GPC5: variants seen among roughly 807,000 people sequenced by gnomAD.
The protein encoded by GPC5 is glypican 5, also known as glypican-5.
In GPC5, 47 loss-of-function variants were observed where a neutral mutation model predicts 53.9. The ratio of observed to expected loss-of-function variants is 0.87; its 90% confidence interval spans 0.69 to 1.11. GPC5 has a LOEUF of 1.11. GPC5 is among the 50% of genes most tolerant of loss of function. The pLI is 0.00. For synonymous variants in GPC5, 286 were observed against 263.3 expected, an observed-to-expected ratio of 1.09 and a Z score of -0.84; for missense variants, 748 against 713.1, an observed-to-expected ratio of 1.05 and a Z score of -0.56.
chr13:92,078,266 G>A (rs2041268541), intron 6 of GPC5, among the ~76,000 whole-genome samples: 1 of 152,298 alleles, frequency 6.6e-6, no homozygotes, highest in Admixed American at 6.5e-5. Flanking sequence ...ATTTTACAGT[G>A]AGTCTCAAAA....
At chr13:92,792,108 T>C (rs1876486729) in intron 7 of GPC5, among the ~76,000 whole-genome samples, 1 of 151,992 alleles carries the variant, frequency 6.6e-6, no homozygotes, top group Non-Finnish European at 1.5e-5. Flanking sequence ...CACATAATTG[T>C]CAGATTCACC....
chr13:92,625,103 A>G (rs1476165226), intron 7 of GPC5, among the ~76,000 whole-genome samples: 1 of 152,186 alleles, frequency 6.6e-6, no homozygotes, highest in Non-Finnish European at 1.5e-5. Flanking sequence ...ATTCTGTGTC[A>G]GTGTGATTTT....
At chr13:91,930,806 T>C (rs78967716) in intron 6 of GPC5, among the ~76,000 whole-genome samples, 1 of 152,072 alleles carries the variant, frequency 6.6e-6, no homozygotes, top group Non-Finnish European at 1.5e-5. Context: ...ACATGTCAGC[T>C]GAGTGACTGT....
At chr13:92,543,557 G>A (rs1882000387) in intron 7 of GPC5, among the ~76,000 whole-genome samples, 1 of 151,942 alleles carries the variant, frequency 6.6e-6, no homozygotes, top group Admixed American at 6.6e-5. Context: ...AGTGACAATG[G>A]CACCATTTTC....
intron 2 of GPC5, among the ~76,000 whole-genome samples, chr13:91,494,804 C>CT (rs139242582): frequency 0.017 from 2,622 of 152,248 alleles, 69 homozygotes; most frequent in African/African-American, 0.058. Context: ...GCCTTAGAAT[C>CT]TTTTTCTGAT....
At chr13:92,264,878 CTGTGTG>C (rs71815584) in intron 7 of GPC5, among the ~76,000 whole-genome samples, 2,563 of 104,650 alleles carry the variant, frequency 0.024, 35 homozygotes, top group African/African-American at 0.034. Flanking sequence ...CTCTCTCTCT[CTGTGTG>C]TGTGTGTGTG....
At chr13:91,753,344 A>T (rs2037220087) in intron 4 of GPC5, among the ~76,000 whole-genome samples, 1 of 152,176 alleles carries the variant, frequency 6.6e-6, no homozygotes, top group Non-Finnish European at 1.5e-5. Flanking sequence ...TATCTCAGGG[A>T]ATGACATGAC....
At chr13:91,488,043 A>T (rs1035580471) in intron 2 of GPC5, among the ~76,000 whole-genome samples, 1 of 151,986 alleles carries the variant, frequency 6.6e-6, no homozygotes. Flanking sequence ...TAATTCCACT[A>T]TAAGTTTTGA....
intron 2 of GPC5, among the ~76,000 whole-genome samples, chr13:91,686,152 C>A (rs2035618680): frequency 6.6e-6 from 1 of 151,984 alleles, no homozygotes; most frequent in Non-Finnish European, 1.5e-5. Context: ...TTGTTTAGAA[C>A]TGATTTTATC....
chr13:92,656,779 C>A lies in GPC5; in HGVS notation c.1562-209503C>A, dbSNP rs992362393. Among the ~76,000 whole-genome samples the A allele has an allele frequency of 2.6e-5, 4 of 152,072 alleles. No individual in the cohort carries two copies. In the East Asian group the frequency reaches 7.7e-4, roughly 29 times the overall value. On this transcript the variant is annotated intron_variant, in intron 7 of 7. Transcript: ENST00000377067. ...GACCAACCTGGGCAATATAGTGAAC[C>A]CCATTTCTACAAAAGCAAACAAAAC...
intron 7 of GPC5, among the ~76,000 whole-genome samples, chr13:92,710,356 G>C (rs78156584): frequency 4.6e-5 from 7 of 152,096 alleles, no homozygotes; most frequent in Non-Finnish European, 7.4e-5. Flanking sequence ...CCATCCTAAT[G>C]TGACAGAGAA....
rs192111344 is a variant in GPC5, at chr13:91,683,081, G to A, written c.326-10106G>A. On this transcript the variant is annotated intron_variant, in intron 2 of 7. Coordinates refer to ENST00000377067, the MANE Select transcript of GPC5 (RefSeq NM_004466.6). ...TGCATATGTGCTTGAATGGAGGATC[G>A]CGAGATGGGGTGATTATCCTGAATT... Among the ~76,000 whole-genome samples, 12 of 151,946 alleles carry A rather than the reference G, an allele frequency of 7.9e-5. No homozygotes were observed. The South Asian group carries it at 1.9e-3, about 24-fold the overall frequency.
intron 5 of GPC5, among the ~76,000 whole-genome samples, chr13:91,790,961 G>C (rs1179794541): frequency 6.6e-6 from 1 of 152,174 alleles, no homozygotes; most frequent in Non-Finnish European, 1.5e-5. Context: ...AAAAATCTCG[G>C]TGTGAATGAA....
chr13:92,444,059 T>C (rs1877692125), intron 7 of GPC5, among the ~76,000 whole-genome samples: 1 of 152,126 alleles, frequency 6.6e-6, no homozygotes, highest in Non-Finnish European at 1.5e-5. Flanking sequence ...AAGGTAATAA[T>C]GGAGTTTGGT....
At chr13:91,968,383 T>A (rs183846595) in intron 6 of GPC5, among the ~76,000 whole-genome samples, 1 of 152,310 alleles carries the variant, frequency 6.6e-6, no homozygotes, top group East Asian at 1.9e-4. Context: ...ACACACTATT[T>A]AAATTGCAAC....
At chr13:92,071,782 A>T (rs527496138) in intron 6 of GPC5, among the ~76,000 whole-genome samples, 2 of 149,792 alleles carry the variant, frequency 1.3e-5, no homozygotes, top group African/African-American at 4.9e-5. Flanking sequence ...AAAAGACACA[A>T]TTTTTTTTAT....
chr13:92,611,810 G>C (rs1374820903), intron 7 of GPC5, among the ~76,000 whole-genome samples: 2 of 152,106 alleles, frequency 1.3e-5, no homozygotes, highest in Non-Finnish European at 2.9e-5. Context: ...AGTACAGAAA[G>C]ACATGGTTTT....
intron 7 of GPC5, among the ~76,000 whole-genome samples, chr13:92,701,109 C>A (rs1887722874): frequency 6.6e-6 from 1 of 151,912 alleles, no homozygotes; most frequent in African/African-American, 2.4e-5. Flanking sequence ...GTGAATAAAC[C>A]AAACTGGAAT....
chr13:91,683,570 C>T lies in GPC5; in HGVS notation c.326-9617C>T, dbSNP rs561113981. ...TGTCCGGCTTCCATGCTGCCATTTA[C>T]CAGACTTCTGGTCATGTTCCCTTAG... On this transcript the variant is annotated intron_variant, in intron 2 of 7. Coordinates refer to ENST00000377067, the MANE Select transcript of GPC5 (RefSeq NM_004466.6). 2.0e-5 allele frequency among the ~76,000 whole-genome samples: 3 copies of T among 152,272 alleles called. No homozygotes were observed. The East Asian group carries it at 5.8e-4, about 29-fold the overall frequency.
Sources: allele counts gnomAD v4.1 joint callset (sites outside exome capture counted in the v4.1 genomes callset), GRCh38; gene constraint gnomAD v4.1.1; transcripts MANE v1.5; gene names NCBI Gene and HGNC (gene_info 2026-07-23, HGNC 2026-07-21).